The following RBPMS variants were observed in gnomAD, a reference collection of about 807,000 sequenced individuals.
RBPMS encodes the protein RNA-binding protein with multiple splicing.
In RBPMS, 7 loss-of-function variants were observed where a neutral mutation model predicts 26.8. The ratio of observed to expected loss-of-function variants is 0.26; its 90% CI spans 0.15 to 0.49. The LOEUF is 0.49. Ranked by LOEUF, RBPMS falls within the 20% of genes least tolerant of loss-of-function variation. The pLI, the probability that RBPMS is intolerant of heterozygous loss-of-function variation, is 0.98. For synonymous variants in RBPMS, 96 were observed against 93.3 expected (o/e 1.03, Z -0.17); for missense variants, 186 against 250.0 (o/e 0.74, Z 1.73).
intron 5 of RBPMS, among the ~76,000 whole-genome samples, chr8:30,509,041 G>A (rs1431795739): frequency 2.0e-5 from 3 of 152,026 alleles, no homozygotes; most frequent in South Asian, 2.1e-4. Flanking sequence ...CAAGGAGTCC[G>A]GTTCTGCAGG....
chr8:30,457,827 C>T (rs1479200090), intron 1 of RBPMS, among the ~76,000 whole-genome samples: 2 of 152,152 alleles, frequency 1.3e-5, no homozygotes, highest in Non-Finnish European at 2.9e-5. Context: ...CTGCCCACCT[C>T]AGCCTCCCAA....
intron 1 of RBPMS, among the ~76,000 whole-genome samples, chr8:30,386,897 G>A (rs1807170279): frequency 2.0e-5 from 3 of 151,762 alleles, no homozygotes; most frequent in Admixed American, 2.0e-4. Flanking sequence ...GAGGTTCAAT[G>A]TCCTAAAAAT....
intron 5 of RBPMS, among the ~76,000 whole-genome samples, chr8:30,525,404 T>G (rs1436741584): frequency 6.6e-6 from 1 of 152,204 alleles, no homozygotes; most frequent in African/African-American, 2.4e-5. Flanking sequence ...AGTAATCCTG[T>G]AGAAACTTTA....
intron 5 of RBPMS, among the ~76,000 whole-genome samples, chr8:30,541,172 C>G (rs929982034): frequency 1.3e-5 from 2 of 152,164 alleles, no homozygotes; most frequent in African/African-American, 2.4e-5. Flanking sequence ...TCATGTTTAT[C>G]TCTCTTTCAA....
chr8:30,493,563 A>G (rs143315756), intron 4 of RBPMS, among the ~76,000 whole-genome samples: 1 of 152,130 alleles, frequency 6.6e-6, no homozygotes, highest in African/African-American at 2.4e-5. Context: ...AAATGTGAGC[A>G]TCAGGATTCC....
intron 1 of RBPMS, among the ~76,000 whole-genome samples, chr8:30,459,066 C>T (rs912867334): frequency 1.3e-5 from 2 of 151,368 alleles, no homozygotes; most frequent in Non-Finnish European, 2.9e-5. Flanking sequence ...TGGGTTCAAG[C>T]GATTCTCGTG....
At chr8:30,542,514 T>C (rs1825487928) in intron 5 of RBPMS, among the ~76,000 whole-genome samples, 1 of 152,230 alleles carries the variant, frequency 6.6e-6, no homozygotes. Flanking sequence ...ACTGACAGGC[T>C]GCAGGCCAAA....
chr8:30,480,318 AC>A (rs1473334548), intron 4 of RBPMS, among the ~76,000 whole-genome samples: 1 of 152,046 alleles, frequency 6.6e-6, no homozygotes, highest in Non-Finnish European at 1.5e-5. Flanking sequence ...ACCTGCAGGT[AC>A]CCCTGGCAGC....
In RBPMS at chr8:30,558,738, TC is replaced by T. The variant is rs535043633; in HGVS notation, c.529-148del. 23 of 722,184 alleles carry T rather than the reference TC, an allele frequency of 3.2e-5. No individual in the cohort carries two copies. The South Asian group carries it at 3.3e-4, about 10-fold the overall frequency. 44.7% of individuals were successfully genotyped at this position (722,184 alleles called of 1,614,324 possible). The stretch of plus-strand genomic sequence containing the variant: ...TCTCAGGACACCGCTCTGATGCTTT[TC>T]AGCCCCTTGGGGAAGAGGCCCTCAC... On this transcript the variant is annotated intron_variant, in intron 6 of 8. Transcript: ENST00000397323.
chr8:30,490,966 T>C (rs183555830), intron 4 of RBPMS, among the ~76,000 whole-genome samples: 49 of 152,332 alleles, frequency 3.2e-4, no homozygotes, highest in Non-Finnish European at 6.3e-4. Context: ...TCTTTTCAAC[T>C]AACTTGTGCC....
intron 5 of RBPMS, among the ~76,000 whole-genome samples, chr8:30,524,910 C>T (rs567888486): frequency 6.6e-6 from 1 of 152,160 alleles, no homozygotes; most frequent in East Asian, 1.9e-4. Flanking sequence ...ATAAAAAGTA[C>T]CAAAGCTGGG....
At chr8:30,544,664 C>T (rs1197270985) in intron 6 of RBPMS, 40 bp downstream of exon 6, 1 of 1,612,080 alleles carries the variant, frequency 6.2e-7, no homozygotes, top group Non-Finnish European at 8.5e-7. Context: ...CTCACTTCAC[C>T]ACCAGTCCTT....
intron 5 of RBPMS, among the ~76,000 whole-genome samples, chr8:30,543,679 T>C (rs939035656): frequency 2.0e-5 from 3 of 152,212 alleles, no homozygotes; most frequent in African/African-American, 7.2e-5. Context: ...TTACTTTTAA[T>C]GGATTGCTTC....
At chr8:30,387,943 T>TTTG (rs1048028655) in intron 1 of RBPMS, among the ~76,000 whole-genome samples, 17 of 152,264 alleles carry the variant, frequency 1.1e-4, no homozygotes, top group Middle Eastern at 3.4e-3. Context: ...GTTGGAAGTT[T>TTTG]TTGAGAACTT....
At chr8:30,555,685 G>A (rs1459096406) in intron 6 of RBPMS, among the ~76,000 whole-genome samples, 2 of 152,252 alleles carry the variant, frequency 1.3e-5, no homozygotes, top group Non-Finnish European at 2.9e-5. Context: ...CTAATGGGGA[G>A]CCCTAAACTA....
At chr8:30,457,510 G>A (rs4733490) in intron 1 of RBPMS, among the ~76,000 whole-genome samples, 139,519 of 151,684 alleles carry the variant, frequency 0.92, 65,215 homozygotes, top group Non-Finnish European at 1. Flanking sequence ...TTGAAGCACT[G>A]TTTTATTATG....
At chr8:30,471,250 T>A (rs1206269168) in intron 1 of RBPMS, among the ~76,000 whole-genome samples, 1 of 152,236 alleles carries the variant, frequency 6.6e-6, no homozygotes, top group African/African-American at 2.4e-5. Flanking sequence ...ATATACTTTT[T>A]CCTTGAACGT....
intron 1 of RBPMS, chr8:30,446,836 TGTGTGTGCGCGC>T (rs1441590023): frequency 3.8e-5 from 4 of 105,022 alleles, no homozygotes; most frequent in Admixed American, 1.1e-4. Flanking sequence ...TGTGTGTGTG[TGTGTGTGCGCGC>T]GCGCGCGCGC....
At chr8:30,452,057 A>G (rs995029769) in intron 1 of RBPMS, among the ~76,000 whole-genome samples, 4 of 152,188 alleles carry the variant, frequency 2.6e-5, no homozygotes, top group South Asian at 2.1e-4. Flanking sequence ...TTTGTCCTCC[A>G]TATCACTCTG....
Sources: allele counts gnomAD v4.1 joint callset (sites outside exome capture counted in the v4.1 genomes callset), GRCh38; gene constraint gnomAD v4.1.1; transcripts MANE v1.5; gene names NCBI Gene and HGNC (gene_info 2026-07-23, HGNC 2026-07-21).